Variants in DISP3 observed in about 807,000 individuals in gnomAD.
The protein encoded by DISP3 is protein dispatched homolog 3.
In DISP3, 101 loss-of-function variants were observed where a neutral mutation model predicts 135.3. The observed-to-expected ratio is 0.75, with a 90% CI of 0.64 to 0.88. The LOEUF (loss-of-function observed/expected upper bound fraction) is 0.88, where lower values mean the gene tolerates loss of function less well. DISP3 is among the 40% of genes least tolerant of loss of function. DISP3 has a pLI of 0.00. For synonymous variants in DISP3, 856 were observed against 817.0 expected (o/e 1.05, Z -0.81); for missense variants, 1,713 against 1,878.6 (o/e 0.91, Z 1.63).
At chr1:11,511,502 C>T (rs1641854104) in intron 3 of DISP3, among the ~76,000 whole-genome samples, 1 of 152,246 alleles carries the variant, frequency 6.6e-6, no homozygotes, top group Non-Finnish European at 1.5e-5. Context: ...GACTCCAGGT[C>T]TCACATCCTC....
chr1:11,525,856 C>A (rs916746675), intron 12 of DISP3, among the ~76,000 whole-genome samples: 1 of 152,170 alleles, frequency 6.6e-6, no homozygotes, highest in Non-Finnish European at 1.5e-5. Flanking sequence ...GTCACCCAGG[C>A]TGGAGTGCAG....
rs1449980745 is a variant in DISP3, at chr1:11,520,932, G to C, written c.2362+84G>C. ...TTGGTCTGAGAGATGCAGGATCCAGGGTCCCCATCAATGCCAGACCTCAGG... is the reference window on the plus strand; with the variant it reads ...TTGGTCTGAGAGATGCAGGATCCAGCGTCCCCATCAATGCCAGACCTCAGG... On this transcript the variant is annotated intron_variant, in intron 10 of 20. Coordinates refer to ENST00000294484, the MANE Select transcript of DISP3 (RefSeq NM_020780.2). The surrounding 1 kb of genome is among the most constrained non-coding windows in gnomAD (Gnocchi z 4.8). 7.0e-7 allele frequency: 1 copy of C among 1,437,720 alleles called. No homozygotes were observed. The highest frequency in any genetic ancestry group is 9.3e-7 in the Non-Finnish European group (1 of 1,074,762). 89.1% of individuals were successfully genotyped at this position (1,437,720 alleles called of 1,614,324 possible).
intron 13 of DISP3, 53 bp downstream of exon 13, chr1:11,526,888 C>G: frequency 6.4e-7 from 1 of 1,552,052 alleles, no homozygotes; most frequent in Non-Finnish European, 8.7e-7. Context: ...TGCTTCTTTG[C>G]CCTTTTCTCT....
chr1:11,516,300 A>C lies in DISP3; in HGVS notation c.1749+139A>C. 1 of 1,058,440 alleles carries C rather than the reference A, an allele frequency of 9.4e-7. No individual in the cohort carries two copies. The highest frequency in any genetic ancestry group is 1.3e-6 in the Non-Finnish European group (1 of 754,940). The allele number at this position is 1,058,440 out of a possible 1,614,324, so 65.6% of individuals were successfully genotyped here. A position where few individuals can be genotyped will look rare whatever the true frequency, so the allele number is the denominator to read the frequency against. The stretch of plus-strand genomic sequence containing the variant: ...GGTACTTGCCCTGGCTCTAGAGTTC[A>C]TTTTTGTCACGAATCACCCATTACC... On this transcript the variant is annotated intron_variant, in intron 6 of 20. Coordinates refer to ENST00000294484, the MANE Select transcript of DISP3 (RefSeq NM_020780.2). The surrounding 1 kb of genome is among the most constrained non-coding windows in gnomAD (Gnocchi z 5.1).
intron 3 of DISP3, among the ~76,000 whole-genome samples, chr1:11,513,605 G>GT (rs35292862): frequency 0.035 from 5,266 of 152,194 alleles, 271 homozygotes; most frequent in African/African-American, 0.12. Flanking sequence ...GTGCATTGCA[G>GT]TTTTTTTGTG....
chr1:11,500,279 G>A (rs565908478), intron 1 of DISP3, among the ~76,000 whole-genome samples: 1 of 152,402 alleles, frequency 6.6e-6, no homozygotes, highest in Admixed American at 6.5e-5. Context: ...CCCTGGCACA[G>A]TTCCTGGGCA....
chr1:11,484,494 G>A (rs1011631466), intron 1 of DISP3, among the ~76,000 whole-genome samples: 2 of 152,214 alleles, frequency 1.3e-5, no homozygotes, highest in African/African-American at 2.4e-5. Flanking sequence ...GGAAGAACCC[G>A]GTGCAGCATC....
intron 1 of DISP3, among the ~76,000 whole-genome samples, chr1:11,494,063 G>T (rs778843610): frequency 6.6e-5 from 10 of 152,182 alleles, no homozygotes; most frequent in Non-Finnish European, 1.5e-4. Context: ...TACCTGGTAT[G>T]GCCAAAAGAG....
At chr1:11,521,166 G>A (rs1481135274) in intron 10 of DISP3, among the ~76,000 whole-genome samples, 3 of 151,998 alleles carry the variant, frequency 2.0e-5, no homozygotes, top group African/African-American at 7.3e-5. Context: ...GTGTCTTAGA[G>A]GCCCACGTCA....
rs1343301580 is a variant in DISP3 at position 11,530,890 on chromosome 1, G to T, written c.3103-17G>T. 6.2e-7 allele frequency: 1 copy of T among 1,613,406 alleles called. No individual in the cohort carries two copies. Among genetic ancestry groups the T allele is most frequent in the Non-Finnish European group, 8.5e-7 (1 of 1,179,668 alleles). The stretch of plus-strand genomic sequence containing the variant: ...CTCACTGAGCGGCCCGGGCCGGCTT[G>T]TTTCTCCTTGGGAAAGGGTAGTGTT... On this transcript the variant is annotated splice_polypyrimidine_tract_variant and intron_variant, in intron 15 of 20. Transcript: ENST00000294484.
intron 3 of DISP3, among the ~76,000 whole-genome samples, chr1:11,508,054 C>A (rs966921993): frequency 6.6e-6 from 1 of 152,232 alleles, no homozygotes; most frequent in East Asian, 1.9e-4. Flanking sequence ...GACATACAAC[C>A]AACTTCACAT....
intron 1 of DISP3, among the ~76,000 whole-genome samples, chr1:11,490,961 A>G (rs948591189): frequency 2.6e-5 from 4 of 152,168 alleles, no homozygotes; most frequent in African/African-American, 4.8e-5. Context: ...TTGGACTTCT[A>G]GTTCCTTTTA....
intron 1 of DISP3, among the ~76,000 whole-genome samples, chr1:11,495,724 A>G (rs555688142): frequency 1.3e-5 from 2 of 152,160 alleles, no homozygotes; most frequent in Admixed American, 1.3e-4. Flanking sequence ...TCCCCATCTC[A>G]GGGGAATAGG....
In DISP3 at chr1:11,529,877, C is replaced by G; in HGVS notation, c.3020C>G (p.Thr1007Ser). Residue 1007 changes from threonine to serine, a missense_variant, in exon 15 of 21, where the codon ACC (threonine) becomes AGC (serine). By Grantham distance (58) the Thr-to-Ser change is moderately conservative. Around this residue, in one of 2 missense-constraint regions of DISP3, gnomAD observed 1,142 missense variants for 1,384.6 expected, o/e 0.82. Coordinates refer to ENST00000294484, the MANE Select transcript of DISP3 (RefSeq NM_020780.2). This position sits in a 1 kb window ranked among gnomAD's most constrained non-coding sequence, Gnocchi z 4.7. The stretch of plus-strand genomic sequence containing the variant: ...CCGGCGGTGCGGCCACTAGTGGATA[C>G]CGGGGCCATGGTCTTTGTGGTCTTC... Reference protein sequence around the residue: ...GKPAVRPLVDTGAMVFVVFGI... With the variant: ...GKPAVRPLVDSGAMVFVVFGI... 2 of 1,613,900 alleles carry G rather than the reference C, an allele frequency of 1.2e-6. No homozygotes were observed. The highest frequency in any genetic ancestry group is 1.7e-6 in the Non-Finnish European group (2 of 1,179,998).
At chr1:11,494,419 C>T (rs1451526383) in intron 1 of DISP3, among the ~76,000 whole-genome samples, 2 of 152,202 alleles carry the variant, frequency 1.3e-5, no homozygotes, top group Non-Finnish European at 2.9e-5. Flanking sequence ...AGTGCCTCTC[C>T]AGCCTCCTGG....
intron 19 of DISP3, 125 bp from the exon 20 acceptor site, chr1:11,535,353 G>T: frequency 7.4e-7 from 1 of 1,344,588 alleles, no homozygotes; most frequent in Non-Finnish European, 1.0e-6. Flanking sequence ...CTCCCTCAGG[G>T]GTCCCCTCGG....
chr1:11,501,276 A>C lies in DISP3; in HGVS notation c.284A>C (p.Tyr95Ser), dbSNP rs765655667. ...PMALSAFMFL[Y>S]YPPLDIDISY... ...GCCCTGTCAGCCTTCATGTTCCTTT[A>C]CTACCCACCGCTGGACATTGACATC... Residue 95 changes from tyrosine to serine, a missense_variant, in exon 2 of 21, where the codon TAC becomes TCC. Tyr to Ser is a moderately radical substitution (Grantham distance 144). Coordinates refer to ENST00000294484, the MANE Select transcript of DISP3 (RefSeq NM_020780.2). The surrounding 1 kb of genome is among the most constrained non-coding windows in gnomAD (Gnocchi z 4.9). The C allele has an allele frequency of 1.2e-6, 2 of 1,613,554 alleles. No individual in the cohort carries two copies. The highest frequency in any genetic ancestry group is 2.2e-5 in the East Asian group (1 of 44,836).
intron 3 of DISP3, among the ~76,000 whole-genome samples, chr1:11,513,121 A>G (rs1641905016): frequency 6.6e-6 from 1 of 152,094 alleles, no homozygotes; most frequent in Non-Finnish European, 1.5e-5. Flanking sequence ...CATCTCTACT[A>G]AAAAATAAAA....
chr1:11,522,766 GCCAGGA>G (rs1642265225), intron 10 of DISP3, among the ~76,000 whole-genome samples: 130 of 139,754 alleles, frequency 9.3e-4, no homozygotes, highest in Middle Eastern at 3.9e-3. Context: ...CCAGGACCCA[GCCAGGA>G]CCCAGCCAGG....
Sources: gnomAD v4.1 joint callset for allele counts (sites outside exome capture counted in the v4.1 genomes callset) on GRCh38, gnomAD v4.1.1 for gene constraint, gnomAD v4.1.1 regional missense constraint, Gnocchi (gnomAD v3.1) non-coding constraint, MANE v1.5 for transcripts, NCBI Gene and HGNC (gene_info 2026-07-23, HGNC 2026-07-21) for gene names.